Variants in DSG4 observed in about 807,000 individuals in gnomAD.
The protein encoded by DSG4 is desmoglein 4, also known as desmoglein-4.
DSG4 carries 87 observed loss-of-function variants against 93.1 expected under a neutral mutation model. The ratio of observed to expected loss-of-function variants is 0.93; its 90% CI spans 0.79 to 1.12. DSG4 has a LOEUF of 1.12. Ranked by LOEUF, DSG4 falls within the 50% of genes most tolerant of loss-of-function variation. DSG4 has a pLI of 0.00. For missense variants in DSG4, 1,373 were observed against 1,285.7 expected (o/e 1.07, Z -1.04); for synonymous variants, 432 against 452.9 (o/e 0.95, Z 0.59).
chr18:31,398,362 T>C lies in DSG4; in HGVS notation c.1006-910T>C, dbSNP rs1194263036. On this transcript the variant is annotated intron_variant, in intron 8 of 15. Coordinates refer to ENST00000308128, the MANE Select transcript of DSG4 (RefSeq NM_177986.5). ...CCAAGTAAATTTCTGTGAATGTTTTTCTTATCAGCTCTTCTAAAAAGATGT... is the reference window on the plus strand; with the variant it reads ...CCAAGTAAATTTCTGTGAATGTTTTCCTTATCAGCTCTTCTAAAAAGATGT... 3.3e-5 allele frequency among the ~76,000 whole-genome samples: 5 copies of C among 152,146 alleles called. No homozygotes were observed. In the East Asian group the frequency reaches 5.8e-4, roughly 18 times the overall value.
chr18:31,391,401 A>T (rs1452409412), intron 7 of DSG4, among the ~76,000 whole-genome samples, 189 bp downstream of exon 7: 1 of 152,040 alleles, frequency 6.6e-6, no homozygotes. Flanking sequence ...TTTGTCTTTG[A>T]CTCACTACTC....
chr18:31,410,986 C>A, intron 14 of DSG4: 2 of 1,133,324 alleles, frequency 1.8e-6, no homozygotes, highest in Non-Finnish European at 2.5e-6. Flanking sequence ...AAGTCTAGGG[C>A]GAAGTCTGTG....
chr18:31,380,900 T>G (rs531548579), intron 1 of DSG4, among the ~76,000 whole-genome samples: 61 of 152,262 alleles, frequency 4.0e-4, no homozygotes, highest in African/African-American at 1.4e-3. Flanking sequence ...AGTCTACATA[T>G]CTTATATAAA....
At chr18:31,387,688 G>C (rs2072202865) in intron 3 of DSG4, among the ~76,000 whole-genome samples, 1 of 152,054 alleles carries the variant, frequency 6.6e-6, no homozygotes, top group African/African-American at 2.4e-5. Flanking sequence ...ATTTCCAGCA[G>C]TCTTTATTTG....
rs112913648 is a variant in DSG4, at chr18:31,376,811, T to A, written c.-101T>A. The A allele has an allele frequency of 3.4e-4, 433 of 1,281,352 alleles. 3 individuals carry two copies. In the South Asian group the frequency reaches 4.7e-3, roughly 14 times the overall value. 79.4% of individuals were successfully genotyped at this position (1,281,352 alleles called of 1,614,324 possible). A position where few individuals can be genotyped will look rare whatever the true frequency, so the allele number is the denominator to read the frequency against. The stretch of plus-strand genomic sequence containing the variant: ...TATCACCCATGCCCTCCTAAAAGGG[T>A]GTCTCAAAGCATATCTTTCTGTAGA... On this transcript the variant is annotated 5_prime_UTR_variant, in exon 1 of 16. Transcript: ENST00000308128.
Position 31,406,104 on chromosome 18 carries a change from A to C in DSG4, c.1664A>C (p.Gln555Pro), listed in dbSNP as rs1364138340. The change falls in exon 12 of 16, where the codon CAG becomes CCG. Residue 555 changes from glutamine to proline, a missense_variant. Coordinates refer to ENST00000308128, the MANE Select transcript of DSG4 (RefSeq NM_177986.5). ...NATSAILTAKQVLSPGFYEIP... is the reference protein window; with the variant it reads ...NATSAILTAKPVLSPGFYEIP... Reference sequence around the variant, plus strand: ...ACCTCGGCAATCCTTACGGCTAAGCAGGTTTTATCTCCAGGATTTTATGAA... The same window carrying C: ...ACCTCGGCAATCCTTACGGCTAAGCCGGTTTTATCTCCAGGATTTTATGAA... The C allele has an allele frequency of 2.5e-6, 4 of 1,614,108 alleles. No individual in the cohort carries two copies. In the South Asian group the frequency reaches 4.4e-5, roughly 18 times the overall value.
At chr18:31,399,949 T>A (rs2144196661) in intron 9 of DSG4, among the ~76,000 whole-genome samples, 1 of 152,272 alleles carries the variant, frequency 6.6e-6, no homozygotes, top group East Asian at 1.9e-4. Context: ...AGAGACTAAT[T>A]TCAATCCTCT....
chr18:31,390,756 A>G lies in DSG4; in HGVS notation c.618A>G (p.Ala206=). ...YKIVSQEPSG[A]PMFILNRYTG... ...TCGTCTCTCAGGAGCCATCAGGTGC[A>G]CCCATGTTCATTCTGAATAGGTACA... The change falls in exon 6 of 16, where the codon GCA becomes GCG. Residue 206 remains alanine (A), a synonymous_variant. Transcript: ENST00000308128. The G allele has an allele frequency of 6.2e-7, 1 of 1,613,772 alleles. No individual in the cohort carries two copies. Among genetic ancestry groups the G allele is most frequent in the African/African-American group, 1.3e-5 (1 of 75,024 alleles).
chr18:31,385,291 G>C, intron 2 of DSG4, 120 bp downstream of exon 2: 1 of 723,496 alleles, frequency 1.4e-6, no homozygotes, highest in South Asian at 2.3e-5. Context: ...AAAGTTAAGA[G>C]AAAGAACTAG....
rs201170903 is a variant in DSG4, at chr18:31,406,241, G to T, written c.1801G>T (p.Ala601Ser). The change falls in exon 12 of 16, where the codon GCG becomes TCG. Residue 601 changes from alanine (A) to serine (S), a missense_variant. Ala to Ser is a moderately conservative substitution (Grantham distance 99). Coordinates refer to ENST00000308128, the MANE Select transcript of DSG4 (RefSeq NM_177986.5). Reference protein sequence around the residue: ...DNHMCLDSGAAGIYTEDITGD... With the variant: ...DNHMCLDSGASGIYTEDITGD... ...CCACATGTGCCTGGACTCTGGTGCC[G>T]CGGGCATCTACACAGAGGACATAAC... The T allele has an allele frequency of 6.2e-7, 1 of 1,613,246 alleles. No individual in the cohort carries two copies. Among genetic ancestry groups the T allele is most frequent in the Non-Finnish European group, 8.5e-7 (1 of 1,179,788 alleles).
In DSG4 at chr18:31,413,820, T is replaced by C; in HGVS notation, c.*225T>C. The C allele has an allele frequency of 1.8e-6, 1 of 544,438 alleles. No homozygotes were observed. The highest frequency in any genetic ancestry group is 3.2e-6 in the Non-Finnish European group (1 of 313,792). The allele number at this position is 544,438 out of a possible 1,614,324, so 33.7% of individuals were successfully genotyped here. A position where few individuals can be genotyped will look rare whatever the true frequency, so the allele number is the denominator to read the frequency against. ...TGATTTTAAATAATGCGTCAAAAAA[T>C]GTGCAGAAAATGTATTGCATCCCTT... On this transcript the variant is annotated 3_prime_UTR_variant, in exon 16 of 16. Coordinates refer to ENST00000308128, the MANE Select transcript of DSG4 (RefSeq NM_177986.5).
At position 31,406,382 on chromosome 18, in the gene DSG4, T is replaced by C; in HGVS notation, c.1933+9T>C. The C allele has an allele frequency of 1.2e-6, 2 of 1,614,088 alleles. No individual in the cohort carries two copies. The highest frequency in any genetic ancestry group is 1.7e-4 in the Middle Eastern group (1 of 6,060). Reference sequence around the variant, plus strand: ...CATCCTGCTACTGATTTGTAAGTACTCAATTAAATCCTTCTTTTCAATAGT... The same window carrying C: ...CATCCTGCTACTGATTTGTAAGTACCCAATTAAATCCTTCTTTTCAATAGT... On this transcript the variant is annotated intron_variant, in intron 12 of 15. Transcript: ENST00000308128.
At position 31,412,997 on chromosome 18, in the gene DSG4, C is replaced by T. The variant is rs1276413868; in HGVS notation, c.2525C>T (p.Thr842Ile). ...GAAACTTTAGATCCAAAATTTAGGACTCTTGCTGAGATCTGCTTAAACACA... is the reference window on the plus strand; with the variant it reads ...GAAACTTTAGATCCAAAATTTAGGATTCTTGCTGAGATCTGCTTAAACACA... ...CMETLDPKFR[T>I]LAEICLNTEI... The change falls in exon 16 of 16, where the codon ACT becomes ATT. Residue 842 changes from threonine (T) to isoleucine (I), a missense_variant. By Grantham distance (89) the Thr-to-Ile change is moderately conservative. Coordinates refer to ENST00000308128, the MANE Select transcript of DSG4 (RefSeq NM_177986.5). 6.2e-7 allele frequency: 1 copy of T among 1,614,024 alleles called. No individual in the cohort carries two copies. Among genetic ancestry groups the T allele is most frequent in the African/African-American group, 1.3e-5 (1 of 74,916 alleles).
rs140587103 is a variant in DSG4 at position 31,413,170 on chromosome 18, G to A, written c.2698G>A (p.Val900Met). The A allele has an allele frequency of 6.4e-5, 104 of 1,613,942 alleles. No individual in the cohort carries two copies. The highest frequency in any genetic ancestry group is 7.2e-5 in the Non-Finnish European group (85 of 1,180,044). ...FQEEMAASEP[V>M]VHGDIIVTET... Reference sequence around the variant, plus strand: ...AGAAGAAATGGCAGCATCTGAACCCGTGGTCCATGGGGATATTATTGTGAC... The same window carrying A: ...AGAAGAAATGGCAGCATCTGAACCCATGGTCCATGGGGATATTATTGTGAC... Residue 900 changes from valine to methionine, a missense_variant, in exon 16 of 16, where the codon GTG becomes ATG. Transcript: ENST00000308128.
chr18:31,413,590 C>T lies in DSG4; in HGVS notation c.3118C>T (p.Gln1040Ter). 1 of 1,613,258 alleles carries T rather than the reference C, an allele frequency of 6.2e-7. No homozygotes were observed. Among genetic ancestry groups the T allele is most frequent in the Non-Finnish European group, 8.5e-7 (1 of 1,179,988 alleles). ...ATACAGTAACATACATTACACCCAA[C>T]AGTAAGTGCTTTATGGTCAGTATTC... ...TRYSNIHYTQ[Q>*] Residue 1040 changes from glutamine (Q) to a stop codon, truncating the protein, a stop_gained, in exon 16 of 16, where the codon CAG (glutamine) becomes TAG (stop). Transcript: ENST00000308128. LOFTEE classifies it high-confidence loss of function.
At chr18:31,390,908 A>C (rs778244227) in intron 6 of DSG4, 86 bp downstream of exon 6, 1 of 1,532,782 alleles carries the variant, frequency 6.5e-7, no homozygotes. Flanking sequence ...CCCTTACTCC[A>C]ATATAAAGGA....
intron 8 of DSG4, among the ~76,000 whole-genome samples, chr18:31,392,570 A>G (rs1217686797): frequency 6.6e-6 from 1 of 152,234 alleles, no homozygotes; most frequent in Admixed American, 6.5e-5. Context: ...ACAGTGTCCA[A>G]TATCTAGTTG....
At chr18:31,381,910 C>G (rs1184431326) in intron 1 of DSG4, among the ~76,000 whole-genome samples, 2 of 151,432 alleles carry the variant, frequency 1.3e-5, no homozygotes, top group Non-Finnish European at 2.9e-5. Context: ...ACCTCGTGAT[C>G]TGCCCACATC....
intron 8 of DSG4, among the ~76,000 whole-genome samples, chr18:31,394,258 G>A (rs2072280343): frequency 6.6e-6 from 1 of 152,044 alleles, no homozygotes; most frequent in Admixed American, 6.6e-5. Context: ...ATAGACCAAG[G>A]AAAGCTTTGG....
Sources: gnomAD v4.1 joint callset for allele counts (sites outside exome capture counted in the v4.1 genomes callset) on GRCh38, gnomAD v4.1.1 for gene constraint, MANE v1.5 for transcripts, NCBI Gene and HGNC (gene_info 2026-07-23, HGNC 2026-07-21) for gene names.